The following RARG variants were observed in gnomAD, a reference collection of about 807,000 sequenced individuals.
The protein encoded by RARG is RAR-gamma.
RARG carries 17 observed loss-of-function variants against 43.7 expected under a neutral mutation model. The observed-to-expected ratio is 0.39, with a 90% CI of 0.27 to 0.58. The LOEUF is 0.58. RARG is among the 20% of genes least tolerant of loss of function. The pLI is 0.57. For synonymous variants in RARG, 238 were observed against 236.4 expected (o/e 1.01, Z -0.06); for missense variants, 346 against 598.7 (o/e 0.58, Z 4.40).
chr12:53,214,233 G>C lies in RARG; in HGVS notation c.639C>G (p.Asn213Lys), dbSNP rs760204680. ...GCTGCACGCGGTGGTCTGCACTGGA[G>C]TTCTGCAGAGGGGAGGGGTAGAAGG... Reference protein sequence around the residue: ...SLCQLGKYTTNSSADHRVQLD... With the variant: ...SLCQLGKYTTKSSADHRVQLD... The change falls in exon 7 of 10, where the codon AAC becomes AAG. Residue 213 changes from asparagine to lysine, a missense_variant and splice_region_variant. By Grantham distance (94) the Asn-to-Lys change is moderately conservative (BLOSUM62 0). Coordinates refer to ENST00000425354, the MANE Select transcript of RARG (RefSeq NM_000966.6). The C allele has an allele frequency of 3.7e-6, 6 of 1,611,874 alleles. No homozygotes were observed. The highest frequency in any genetic ancestry group is 4.2e-6 in the Non-Finnish European group (5 of 1,178,190).
At chr12:53,220,035 C>A (rs1287070379) in intron 3 of RARG, 1 of 1,541,428 alleles carries the variant, frequency 6.5e-7, no homozygotes, top group Non-Finnish European at 8.8e-7. Context: ...GCAAGCCGGC[C>A]CCGGGCCCGG....
intron 3 of RARG, chr12:53,220,555 T>C (rs1024326203): frequency 7.4e-6 from 2 of 269,662 alleles, no homozygotes; most frequent in Admixed American, 5.2e-5. Flanking sequence ...GCACCAAGAA[T>C]TTGCAAATAT....
At position 53,215,679 on chromosome 12, in the gene RARG, G is replaced by A. The variant is rs746211074; in HGVS notation, c.300C>T (p.Tyr100=). The change falls in exon 4 of 10, where the codon TAC becomes TAT. Residue 100 remains tyrosine, a synonymous_variant. Transcript: ENST00000425354. The surrounding 1 kb of genome is among the most constrained non-coding windows in gnomAD (Gnocchi z 6.4). ...CTTCACAAGAGCTGACCCCATAGTG[G>A]TAGCCAGAGGACTTGTCATTGCACA... ...CFVCNDKSSG[Y]HYGVSSCEGC... is the part of the protein sequence containing the mutation. 1 of 1,613,736 alleles carries A rather than the reference G, an allele frequency of 6.2e-7. No individual in the cohort carries two copies. The highest frequency in any genetic ancestry group is 1.3e-5 in the African/African-American group (1 of 74,918).
intron 3 of RARG, chr12:53,219,962 C>G: frequency 6.6e-7 from 1 of 1,513,752 alleles, no homozygotes; most frequent in Non-Finnish European, 8.9e-7. Flanking sequence ...TGCAGGCTGG[C>G]GGGTTGCGGC....
chr12:53,229,067 C>T (rs1943173558), intron 2 of RARG, among the ~76,000 whole-genome samples: 1 of 152,036 alleles, frequency 6.6e-6, no homozygotes, highest in African/African-American at 2.4e-5. Flanking sequence ...CATCCCCTGA[C>T]AAAGGAAAAG....
At chr12:53,225,621 T>C (rs1262367346) in intron 3 of RARG, among the ~76,000 whole-genome samples, 2 of 152,196 alleles carry the variant, frequency 1.3e-5, no homozygotes, top group African/African-American at 4.8e-5. Context: ...TTTGTCTTTT[T>C]CTCTCCAACT....
In RARG at chr12:53,215,867, C is replaced by A; in HGVS notation, c.185-73G>T. 1 of 1,454,806 alleles carries A rather than the reference C, an allele frequency of 6.9e-7. No individual in the cohort carries two copies. Among genetic ancestry groups the A allele is most frequent in the Non-Finnish European group, 9.2e-7 (1 of 1,087,042 alleles). The allele number at this position is 1,454,806 out of a possible 1,614,324, so 90.1% of individuals were successfully genotyped here. A position where few individuals can be genotyped will look rare whatever the true frequency, so the allele number is the denominator to read the frequency against. ...GACCTCCAGGCTTCCTCATCACACA[C>A]ACCCCATGTGCATTTGTTCCTTGGC... On this transcript the variant is annotated intron_variant, in intron 3 of 9. Coordinates refer to ENST00000425354, the MANE Select transcript of RARG (RefSeq NM_000966.6). The surrounding 1 kb of genome is among the most constrained non-coding windows in gnomAD (Gnocchi z 6.4).
intron 6 of RARG, 43 bp downstream of exon 6, chr12:53,214,403 G>A (rs1942698311): frequency 6.3e-7 from 1 of 1,594,562 alleles, no homozygotes; most frequent in Non-Finnish European, 8.6e-7. Flanking sequence ...ATTCCCCAAA[G>A]TGAAGAGTGC....
chr12:53,230,947 C>A (rs1215254168), intron 2 of RARG, among the ~76,000 whole-genome samples: 1 of 151,694 alleles, frequency 6.6e-6, no homozygotes, highest in African/African-American at 2.4e-5. Context: ...ACTCCCCTGT[C>A]TTCTCTCTAC....
intron 3 of RARG, among the ~76,000 whole-genome samples, chr12:53,220,628 A>G (rs1592439681): frequency 6.6e-6 from 1 of 152,172 alleles, no homozygotes; most frequent in East Asian, 1.9e-4. Context: ...GTTTGTGCAA[A>G]CACACCTTGC....
In RARG at chr12:53,213,166, G is replaced by A. The variant is rs749572280; in HGVS notation, c.1096C>T (p.Arg366Trp). 5.6e-6 allele frequency: 9 copies of A among 1,613,004 alleles called. No homozygotes were observed. Among genetic ancestry groups the A allele is most frequent in the Admixed American group, 1.7e-5 (1 of 59,998 alleles). Residue 366 changes from arginine (R) to tryptophan (W), a missense_variant, in exon 9 of 10, where the codon CGG becomes TGG. Transcript: ENST00000425354. The surrounding 1 kb of genome is among the most constrained non-coding windows in gnomAD (Gnocchi z 4.7). ...TAGGGCTGGCTGGGCCGCCGGCGCC[G>A]GGCGTACAGCCTCAGGGCTTCCAGC... ...PLLEALRLYA[R>W]RRRPSQPYMF...
intron 3 of RARG, among the ~76,000 whole-genome samples, chr12:53,219,052 C>T (rs763375455): frequency 6.6e-6 from 1 of 152,052 alleles, no homozygotes; most frequent in Non-Finnish European, 1.5e-5. Flanking sequence ...GAAAGGGGTT[C>T]CAGGGCCCCA....
At chr12:53,221,074 C>A (rs1185139125) in intron 3 of RARG, among the ~76,000 whole-genome samples, 8 of 152,084 alleles carry the variant, frequency 5.3e-5, no homozygotes, top group Admixed American at 5.2e-4. Flanking sequence ...GAACCCCCCT[C>A]GGGGCGGGTG....
intron 3 of RARG, chr12:53,219,898 A>T: frequency 1.4e-6 from 2 of 1,421,668 alleles, no homozygotes; most frequent in Non-Finnish European, 1.9e-6. Context: ...GGAAAGAGTA[A>T]ATCCCACCCT....
intron 3 of RARG, among the ~76,000 whole-genome samples, chr12:53,225,132 C>T (rs947532772): frequency 3.3e-5 from 5 of 152,154 alleles, no homozygotes; most frequent in Non-Finnish European, 4.4e-5. Context: ...TTCCCACTTC[C>T]CCAGGTCCCT....
intron 2 of RARG, among the ~76,000 whole-genome samples, chr12:53,229,685 T>C (rs1410877806): frequency 6.6e-6 from 1 of 152,160 alleles, no homozygotes; most frequent in Non-Finnish European, 1.5e-5. Flanking sequence ...GGGCCACAGC[T>C]CAACTGGCCA....
rs776888367 is a variant in RARG at position 53,213,474 on chromosome 12, A to T, written c.1018+22T>A. On this transcript the variant is annotated intron_variant, in intron 8 of 9. Coordinates refer to ENST00000425354, the MANE Select transcript of RARG (RefSeq NM_000966.6). The surrounding 1 kb of genome is among the most constrained non-coding windows in gnomAD (Gnocchi z 4.7). ...GGAAAGGAGACTGAGCACTGAGCAG[A>T]CGCCAGGGGGCGCCCCCGCACCTCC... The T allele has an allele frequency of 1.2e-6, 2 of 1,610,506 alleles. No homozygotes were observed. Among genetic ancestry groups the T allele is most frequent in the Non-Finnish European group, 1.7e-6 (2 of 1,178,978 alleles).
In RARG at chr12:53,214,010, G is replaced by T. The variant is rs552809324; in HGVS notation, c.813+49C>A. On this transcript the variant is annotated intron_variant, in intron 7 of 9. Transcript: ENST00000425354. ...TGCATGGATCAAGGAATTGTTGAGG[G>T]TCCCATATGTGGGTCGGGCTGTGGC... The T allele has an allele frequency of 1.7e-4, 271 of 1,559,222 alleles. 2 individuals are homozygous for T. In the South Asian group the frequency reaches 3.1e-3, roughly 18 times the overall value.
At chr12:53,229,220 T>C (rs1027362586) in intron 2 of RARG, among the ~76,000 whole-genome samples, 43 of 152,304 alleles carry the variant, frequency 2.8e-4, no homozygotes, top group African/African-American at 9.6e-4. Flanking sequence ...GCCAAGAGAC[T>C]AAAATGCAGA....
Sources: allele counts gnomAD v4.1 joint callset (sites outside exome capture counted in the v4.1 genomes callset), GRCh38; gene constraint gnomAD v4.1.1; non-coding constraint Gnocchi (gnomAD v3.1); transcripts MANE v1.5; gene names NCBI Gene and HGNC (gene_info 2026-07-23, HGNC 2026-07-21).